ZDHHC20: variants seen among roughly 807,000 people sequenced by gnomAD.
ZDHHC20 encodes zDHHC palmitoyltransferase 20.
In ZDHHC20, 43 loss-of-function variants were observed where a neutral mutation model predicts 57.8. The ratio of observed to expected loss-of-function variants is 0.74; its 90% CI spans 0.58 to 0.96. ZDHHC20 has a LOEUF of 0.96. ZDHHC20 is among the 40% of genes least tolerant of loss of function. ZDHHC20 has a pLI of 0.00. For synonymous variants in ZDHHC20, 157 were observed against 153.0 expected (o/e 1.03, Z -0.19); for missense variants, 391 against 441.1 (o/e 0.89, Z 1.02).
rs1229998056 is a variant in ZDHHC20 at position 21,374,171 on chromosome 13, T to C, written c.*2525A>G. The C allele has an allele frequency of 5.8e-6, 1 of 172,772 alleles. No homozygotes were observed. The highest frequency in any genetic ancestry group is 5.8e-5 in the Admixed American group (1 of 17,242). 10.7% of individuals were successfully genotyped at this position (172,772 alleles called of 1,614,324 possible). ...GTAGTCAAGTATGTTTTAACATTTA[T>C]CTCCTTATAATATGCAAACTGCCAA... On this transcript the variant is annotated 3_prime_UTR_variant, in exon 13 of 13. Coordinates refer to ENST00000400590, the MANE Select transcript of ZDHHC20 (RefSeq NM_001330059.2).
intron 9 of ZDHHC20, among the ~76,000 whole-genome samples, chr13:21,384,079 T>TG (rs1398860683): frequency 6.6e-6 from 1 of 151,154 alleles, no homozygotes; most frequent in Non-Finnish European, 1.5e-5. Context: ...CCTGGCACTA[T>TG]GGGGGGTGGG....
intron 1 of ZDHHC20, among the ~76,000 whole-genome samples, chr13:21,428,857 AAAAACAAAAC>A (rs925146722): frequency 6.6e-6 from 1 of 151,462 alleles, no homozygotes; most frequent in African/African-American, 2.5e-5. Context: ...ACTCTGCCTC[AAAAACAAAAC>A]AAAATAAAAC....
intron 4 of ZDHHC20, 115 bp downstream of exon 4, chr13:21,413,537 A>G (rs1879516612): frequency 4.4e-6 from 4 of 899,366 alleles, no homozygotes; most frequent in Non-Finnish European, 6.2e-6. Context: ...TGCTACAGAT[A>G]TTATTTATGG....
intron 2 of ZDHHC20, among the ~76,000 whole-genome samples, chr13:21,424,625 G>A (rs893514596): frequency 6.6e-6 from 1 of 151,888 alleles, no homozygotes; most frequent in Non-Finnish European, 1.5e-5. Flanking sequence ...GCAGGAGAAT[G>A]GCGTGAACCT....
At chr13:21,439,389 A>G (rs974043690) in intron 1 of ZDHHC20, among the ~76,000 whole-genome samples, 4 of 152,082 alleles carry the variant, frequency 2.6e-5, no homozygotes, top group African/African-American at 9.7e-5. Context: ...GGTCTCAGCT[A>G]CTAAAGAGGC....
intron 7 of ZDHHC20, among the ~76,000 whole-genome samples, chr13:21,393,005 T>C (rs551335890): frequency 3.2e-4 from 48 of 152,250 alleles, no homozygotes; most frequent in African/African-American, 1.1e-3. Flanking sequence ...CTTGTGCAAA[T>C]AGAGACATAT....
At chr13:21,400,048 T>C (rs1412986148) in intron 7 of ZDHHC20, among the ~76,000 whole-genome samples, 1 of 151,820 alleles carries the variant, frequency 6.6e-6, no homozygotes, top group Non-Finnish European at 1.5e-5. Flanking sequence ...TAGATTTTAT[T>C]ACTATAAAAT....
chr13:21,448,208 C>T (rs1260961750), intron 1 of ZDHHC20, among the ~76,000 whole-genome samples: 51 of 90,336 alleles, frequency 5.6e-4, no homozygotes, highest in African/African-American at 1.3e-3. Flanking sequence ...GTCAGCCCCC[C>T]GCCCGGCCAG....
intron 7 of ZDHHC20, among the ~76,000 whole-genome samples, chr13:21,393,844 G>A (rs9509678): frequency 0.12 from 18,379 of 151,794 alleles, 1,313 homozygotes; most frequent in African/African-American, 0.19. Context: ...AGCCACCTGC[G>A]CTGGGCCTGC....
chr13:21,412,708 C>T (rs1479745420), intron 4 of ZDHHC20, among the ~76,000 whole-genome samples: 1 of 152,006 alleles, frequency 6.6e-6, no homozygotes, highest in African/African-American at 2.4e-5. Context: ...GTGGCTCACA[C>T]TTGTAATCCC....
chr13:21,407,095 T>C (rs1878556886), intron 4 of ZDHHC20, among the ~76,000 whole-genome samples: 1 of 152,108 alleles, frequency 6.6e-6, no homozygotes, highest in Admixed American at 6.5e-5. Context: ...TTCAAGTGAT[T>C]CTCCTGCCTC....
chr13:21,409,341 G>A lies in ZDHHC20; in HGVS notation c.370+4311C>T, dbSNP rs907590846. 5.1e-4 allele frequency among the ~76,000 whole-genome samples: 77 copies of A among 152,118 alleles called. 4 individuals carry two copies. Among genetic ancestry groups the A allele is most frequent in the Non-Finnish European group, 1.6e-4 (11 of 68,026 alleles). ...TTCTTCCTGGTTTAGTTTTGGGAGG[G>A]TATATGTGTCCAGGAATTTATCCAT... On this transcript the variant is annotated intron_variant, in intron 4 of 12. Coordinates refer to ENST00000400590, the MANE Select transcript of ZDHHC20 (RefSeq NM_001330059.2).
chr13:21,449,411 G>A (rs562266621), intron 1 of ZDHHC20, among the ~76,000 whole-genome samples: 112 of 152,134 alleles, frequency 7.4e-4, no homozygotes, highest in African/African-American at 2.5e-3. Flanking sequence ...GCTTCTCTTG[G>A]CTGGGCCTCT....
At chr13:21,377,680 G>A (rs928354618) in intron 12 of ZDHHC20, 1 of 215,340 alleles carries the variant, frequency 4.6e-6, no homozygotes, top group Non-Finnish European at 9.2e-6. Context: ...CACCCCTAGT[G>A]CCTGTGATCT....
At chr13:21,389,585 A>C (rs1267435179) in intron 8 of ZDHHC20, among the ~76,000 whole-genome samples, 1 of 152,204 alleles carries the variant, frequency 6.6e-6, no homozygotes, top group Non-Finnish European at 1.5e-5. Flanking sequence ...AAAAAGTTTG[A>C]AAAAGATTGT....
rs1027304199 is a variant in ZDHHC20 at position 21,415,703 on chromosome 13, G to A, written c.250-1931C>T. On this transcript the variant is annotated intron_variant, in intron 3 of 12. Transcript: ENST00000400590. ...TTAGAAAGTTATTTCCTGACATGATGTGTCTCTTACATATTCATAGTAGAG... is the reference window on the plus strand; with the variant it reads ...TTAGAAAGTTATTTCCTGACATGATATGTCTCTTACATATTCATAGTAGAG... 2.6e-4 allele frequency among the ~76,000 whole-genome samples: 39 copies of A among 152,152 alleles called. 1 individual carries two copies. The highest frequency in any genetic ancestry group is 9.2e-4 in the African/African-American group (38 of 41,436).
chr13:21,429,469 A>C (rs1441076287), intron 1 of ZDHHC20, among the ~76,000 whole-genome samples: 1 of 152,184 alleles, frequency 6.6e-6, no homozygotes, highest in East Asian at 1.9e-4. Flanking sequence ...CTGATGACAA[A>C]TCTGCTGTTA....
chr13:21,416,145 C>T (rs1879933549), intron 3 of ZDHHC20, among the ~76,000 whole-genome samples: 1 of 142,702 alleles, frequency 7.0e-6, no homozygotes, highest in Non-Finnish European at 1.5e-5. Flanking sequence ...GTGGAGGTTG[C>T]AGTGAGCCGA....
intron 9 of ZDHHC20, among the ~76,000 whole-genome samples, chr13:21,385,270 A>C (rs368093799): frequency 9.4e-4 from 143 of 152,180 alleles, no homozygotes; most frequent in African/African-American, 3.3e-3. Context: ...CTTTACTAAA[A>C]ATATAAAACT....
Sources: allele counts gnomAD v4.1 joint callset (sites outside exome capture counted in the v4.1 genomes callset), GRCh38; gene constraint gnomAD v4.1.1; transcripts MANE v1.5; gene names NCBI Gene and HGNC (gene_info 2026-07-23, HGNC 2026-07-21).